Variants in CACNA1C observed in about 807,000 individuals in gnomAD.
CACNA1C encodes the protein voltage-dependent L-type calcium channel subunit alpha-1C.
CACNA1C carries 30 observed loss-of-function variants against 229.0 expected under a neutral mutation model. The observed-to-expected ratio is 0.13, with a 90% CI of 0.10 to 0.18. CACNA1C has a LOEUF of 0.18. CACNA1C is among the 10% of genes least tolerant of loss of function. CACNA1C has a pLI of 1.00. For missense variants in CACNA1C, 1,658 were observed against 2,845.0 expected (o/e 0.58, Z 9.49); for synonymous variants, 1,114 against 1,132.5 (o/e 0.98, Z 0.33).
In CACNA1C at chr12:2,493,583, C is replaced by T. The variant is rs1324236361; in HGVS notation, c.1113+197C>T. On this transcript the variant is annotated intron_variant, in intron 7 of 46. Transcript: ENST00000399655. The surrounding 1 kb of genome is among the most constrained non-coding windows in gnomAD (Gnocchi z 4.6). Reference sequence around the variant, plus strand: ...CATGAGCTTTTCACCCTAACGAGTCCCCTCCCCCACCCGCCAGCCTTAGGG... The same window carrying T: ...CATGAGCTTTTCACCCTAACGAGTCTCCTCCCCCACCCGCCAGCCTTAGGG... Among the ~76,000 whole-genome samples the T allele has an allele frequency of 6.6e-6, 1 of 152,018 alleles. No individual in the cohort carries two copies. The highest frequency in any genetic ancestry group is 1.5e-5 in the Non-Finnish European group (1 of 68,012).
intron 3 of CACNA1C, among the ~76,000 whole-genome samples, chr12:2,155,163 C>CA (rs2095494942): frequency 6.6e-6 from 1 of 152,186 alleles, no homozygotes; most frequent in South Asian, 2.1e-4. Context: ...CCTGGTGTGT[C>CA]ATGGGCGTTG....
In CACNA1C at chr12:2,688,207, A is replaced by C. The variant is rs1603466140; in HGVS notation, c.5785-240A>C. On this transcript the variant is annotated intron_variant, in intron 45 of 46. Transcript: ENST00000399655. ...ACGACTTCACCCAATCCCAGCTTTCAGAAGTTACAGGAGAAAGAGATCACT... is the reference window on the plus strand; with the variant it reads ...ACGACTTCACCCAATCCCAGCTTTCCGAAGTTACAGGAGAAAGAGATCACT... Among the ~76,000 whole-genome samples, 4 of 152,374 alleles carry C rather than the reference A, an allele frequency of 2.6e-5. No individual in the cohort carries two copies. The South Asian group carries it at 8.3e-4, about 32-fold the overall frequency.
intron 6 of CACNA1C, among the ~76,000 whole-genome samples, chr12:2,489,951 C>T (rs1159656146): frequency 6.6e-6 from 1 of 152,258 alleles, no homozygotes; most frequent in Non-Finnish European, 1.5e-5. Context: ...AGAAAACTAA[C>T]ACATTTTTAC....
At chr12:2,163,310 G>A (rs1385911957) in intron 3 of CACNA1C, among the ~76,000 whole-genome samples, 1 of 152,132 alleles carries the variant, frequency 6.6e-6, no homozygotes, top group African/African-American at 2.4e-5. Context: ...TGTGACGTAG[G>A]CAGTATTCGT....
At chr12:2,091,667 A>G (rs2071133882) in intron 1 of CACNA1C, among the ~76,000 whole-genome samples, 1 of 152,248 alleles carries the variant, frequency 6.6e-6, no homozygotes, top group Non-Finnish European at 1.5e-5. Flanking sequence ...TTCTTTTGCC[A>G]CATAAGGTAA....
chr12:2,137,576 T>C (rs570663880), intron 3 of CACNA1C, among the ~76,000 whole-genome samples: 3 of 151,330 alleles, frequency 2.0e-5, no homozygotes, highest in African/African-American at 7.2e-5. Context: ...CATGTTTATT[T>C]TTTAAAATGC....
chr12:2,229,889 A>C (rs2064260809), intron 3 of CACNA1C, among the ~76,000 whole-genome samples: 1 of 152,140 alleles, frequency 6.6e-6, no homozygotes. Flanking sequence ...GCCCGGAAGG[A>C]GGCCAGAGCC....
chr12:2,183,720 C>T (rs1000294812), intron 3 of CACNA1C, among the ~76,000 whole-genome samples: 66 of 152,208 alleles, frequency 4.3e-4, no homozygotes, highest in African/African-American at 1.5e-3. Context: ...CCCTGCTCTG[C>T]CCTCGTCTCT....
At chr12:2,483,612 T>C (rs2099685448) in intron 5 of CACNA1C, among the ~76,000 whole-genome samples, 1 of 152,224 alleles carries the variant, frequency 6.6e-6, no homozygotes, top group African/African-American at 2.4e-5. Context: ...TATTCATGTC[T>C]AAAGATACTT....
chr12:2,585,893 C>A lies in CACNA1C; in HGVS notation c.2519C>A (p.Pro840Gln). The A allele has an allele frequency of 6.3e-7, 1 of 1,596,438 alleles. No individual in the cohort carries two copies. The highest frequency in any genetic ancestry group is 2.3e-5 in the East Asian group (1 of 44,376). Reference sequence around the variant, plus strand: ...GAGGATAAGAGCCCCTACCCCAACCCAGAAACTACAGGTACCAGTCCCACT... The same window carrying A: ...GAGGATAAGAGCCCCTACCCCAACCAAGAAACTACAGGTACCAGTCCCACT... ...ENEDKSPYPNPETTGEEDEEE... is the reference protein window; with the variant it reads ...ENEDKSPYPNQETTGEEDEEE... The change falls in exon 18 of 47, where the codon CCA becomes CAA. Residue 840 changes from proline to glutamine, a missense_variant. Pro to Gln is a moderately conservative substitution (Grantham distance 76). Transcript: ENST00000399655. The surrounding 1 kb of genome is among the most constrained non-coding windows in gnomAD (Gnocchi z 4.1).
intron 1 of CACNA1C, among the ~76,000 whole-genome samples, chr12:2,066,080 G>C (rs1477688526): frequency 6.6e-6 from 1 of 152,130 alleles, no homozygotes; most frequent in Non-Finnish European, 1.5e-5. Flanking sequence ...GGGGAGTCGA[G>C]GCTGCAGGTA....
intron 5 of CACNA1C, among the ~76,000 whole-genome samples, chr12:2,471,360 G>A (rs900960260): frequency 6.6e-6 from 1 of 151,904 alleles, no homozygotes; most frequent in African/African-American, 2.4e-5. Context: ...AGTAAATTAT[G>A]GGAAAAAATA....
chr12:2,139,227 G>A (rs969410986), intron 3 of CACNA1C, among the ~76,000 whole-genome samples: 1 of 150,780 alleles, frequency 6.6e-6, no homozygotes, highest in African/African-American at 2.4e-5. Flanking sequence ...GCTTCTAGGT[G>A]CCTCACTCCA....
chr12:2,550,597 C>G, intron 10 of CACNA1C: 1 of 1,351,454 alleles, frequency 7.4e-7, no homozygotes, highest in Non-Finnish European at 9.8e-7. Flanking sequence ...TGGGGTGTCA[C>G]GACTGTAAAC....
At chr12:2,439,738 C>T (rs1406527412) in intron 3 of CACNA1C, among the ~76,000 whole-genome samples, 1 of 151,486 alleles carries the variant, frequency 6.6e-6, no homozygotes, top group Non-Finnish European at 1.5e-5. Context: ...AATTGAGCTA[C>T]TGTAAAAGCA....
intron 3 of CACNA1C, among the ~76,000 whole-genome samples, chr12:2,139,503 C>A (rs2093920055): frequency 6.6e-6 from 1 of 151,210 alleles, no homozygotes; most frequent in African/African-American, 2.4e-5. Context: ...CAGCTGGGGC[C>A]TTGCGCATGT....
chr12:2,057,662 C>T (rs992399580), intron 1 of CACNA1C, among the ~76,000 whole-genome samples: 7 of 152,216 alleles, frequency 4.6e-5, no homozygotes, highest in African/African-American at 9.6e-5. Context: ...CCACCCAGTC[C>T]GTCGCAGGCT....
At chr12:2,404,685 C>T (rs1446301543) in intron 3 of CACNA1C, among the ~76,000 whole-genome samples, 1 of 152,092 alleles carries the variant, frequency 6.6e-6, no homozygotes, top group Non-Finnish European at 1.5e-5. Context: ...AGTGGCCAAG[C>T]ACATGAAGAC....
chr12:2,228,175 G>A (rs1414819847), intron 3 of CACNA1C, among the ~76,000 whole-genome samples: 4 of 152,126 alleles, frequency 2.6e-5, no homozygotes, highest in South Asian at 4.2e-4. Flanking sequence ...GTTTGGCCCC[G>A]AGATGTTTTC....
Sources: gnomAD v4.1 joint callset for allele counts (sites outside exome capture counted in the v4.1 genomes callset) on GRCh38, gnomAD v4.1.1 for gene constraint, Gnocchi (gnomAD v3.1) non-coding constraint, MANE v1.5 for transcripts, NCBI Gene and HGNC (gene_info 2026-07-23, HGNC 2026-07-21) for gene names.